Variants in FER observed in about 807,000 individuals in gnomAD.
The protein encoded by FER is FER tyrosine kinase.
A neutral mutation model predicts 111.0 loss-of-function variants in FER; 63 were observed. The ratio of observed to expected loss-of-function variants is 0.57; its 90% CI spans 0.46 to 0.70. FER has a LOEUF of 0.70. Ranked by LOEUF, FER falls within the 30% of genes least tolerant of loss-of-function variation. FER has a pLI of 0.00. For missense variants in FER, 914 were observed against 954.0 expected, an observed-to-expected ratio of 0.96 and a Z score of 0.55; for synonymous variants, 327 against 313.9, an observed-to-expected ratio of 1.04 and a Z score of -0.44.
chr5:108,929,673 T>G (rs1754289837), intron 10 of FER, among the ~76,000 whole-genome samples: 1 of 152,156 alleles, frequency 6.6e-6, no homozygotes, highest in Admixed American at 6.5e-5. Flanking sequence ...GTGATAGGTT[T>G]TCTGTGAATG....
chr5:108,794,759 T>TG (rs1440526760), intron 2 of FER, among the ~76,000 whole-genome samples: 6 of 152,126 alleles, frequency 3.9e-5, no homozygotes, highest in Non-Finnish European at 5.9e-5. Flanking sequence ...CTGCCACACA[T>TG]GTGGGATCTC....
intron 13 of FER, among the ~76,000 whole-genome samples, chr5:109,011,558 CTT>C (rs1197231898): frequency 6.6e-6 from 1 of 152,166 alleles, no homozygotes; most frequent in Non-Finnish European, 1.5e-5. Flanking sequence ...GAGCTAGCCT[CTT>C]TGAGTTTTCC....
chr5:108,770,519 G>T (rs1284821541), intron 2 of FER, among the ~76,000 whole-genome samples: 2 of 152,018 alleles, frequency 1.3e-5, no homozygotes, highest in African/African-American at 4.8e-5. Flanking sequence ...GTATTGCCCA[G>T]GCTGGAGTGC....
chr5:109,050,259 C>CGGGGAAAAACATTTTA (rs2149922282), intron 16 of FER, among the ~76,000 whole-genome samples: 1 of 151,644 alleles, frequency 6.6e-6, no homozygotes, highest in Admixed American at 6.6e-5. Flanking sequence ...ATAGGATACA[C>CGGGGAAAAACATTTTA]GGGGAAAAAC....
At chr5:108,915,353 T>G (rs1311640945) in intron 10 of FER, among the ~76,000 whole-genome samples, 2 of 151,944 alleles carry the variant, frequency 1.3e-5, no homozygotes, top group African/African-American at 4.8e-5. Flanking sequence ...TCACCTGTAA[T>G]CCCAGCTACT....
intron 10 of FER, among the ~76,000 whole-genome samples, chr5:108,934,009 G>T (rs974008456): frequency 6.6e-6 from 1 of 152,054 alleles, no homozygotes; most frequent in African/African-American, 2.4e-5. Context: ...TGAGACGATG[G>T]CGTTTTCTAA....
At chr5:108,867,098 T>G (rs1192260362) in intron 5 of FER, among the ~76,000 whole-genome samples, 1 of 152,126 alleles carries the variant, frequency 6.6e-6, no homozygotes, top group Non-Finnish European at 1.5e-5. Context: ...CTATGTAACT[T>G]TGTTCTTTCC....
chr5:109,009,720 A>G (rs1358128030), intron 13 of FER, among the ~76,000 whole-genome samples: 2 of 152,162 alleles, frequency 1.3e-5, no homozygotes, highest in South Asian at 2.1e-4. Context: ...TATGTTTCTC[A>G]TGATTCTTTG....
At chr5:108,898,189 T>A (rs1361891221) in intron 10 of FER, among the ~76,000 whole-genome samples, 1 of 152,150 alleles carries the variant, frequency 6.6e-6, no homozygotes, top group Non-Finnish European at 1.5e-5. Context: ...ATTTATTGAT[T>A]TTTTTCTTCT....
At chr5:109,020,457 T>C (rs1223951967) in intron 13 of FER, among the ~76,000 whole-genome samples, 3 of 151,952 alleles carry the variant, frequency 2.0e-5, no homozygotes, top group African/African-American at 7.2e-5. Context: ...TTTTCATTCT[T>C]TGTTATTTAA....
chr5:108,753,275 T>C (rs1402220661), intron 1 of FER, among the ~76,000 whole-genome samples: 5 of 152,106 alleles, frequency 3.3e-5, no homozygotes, highest in Non-Finnish European at 7.4e-5. Context: ...TATAATTAAA[T>C]TTACTTAAAT....
intron 3 of FER, among the ~76,000 whole-genome samples, chr5:108,807,763 C>G (rs1224295816): frequency 6.6e-6 from 1 of 152,120 alleles, no homozygotes. Flanking sequence ...GTGCTATATA[C>G]TTTTCTCTGA....
chr5:108,971,163 T>A (rs1760602021), intron 13 of FER, among the ~76,000 whole-genome samples: 1 of 150,580 alleles, frequency 6.6e-6, no homozygotes, highest in Admixed American at 6.7e-5. Context: ...CAATTCCTAG[T>A]ATAATAATGT....
intron 17 of FER, among the ~76,000 whole-genome samples, chr5:109,138,624 T>C (rs1399998989): frequency 6.6e-6 from 1 of 152,216 alleles, no homozygotes; most frequent in Non-Finnish European, 1.5e-5. Context: ...AGAAATGTTA[T>C]TGCCTCAAAA....
At chr5:109,036,230 G>A (rs1478072509) in intron 13 of FER, among the ~76,000 whole-genome samples, 1 of 151,936 alleles carries the variant, frequency 6.6e-6, no homozygotes, top group Non-Finnish European at 1.5e-5. Flanking sequence ...TTACCCACTT[G>A]ATCATGACGT....
At chr5:109,100,257 G>A (rs922795152) in intron 16 of FER, 139 bp from the exon 17 acceptor site, 92 of 906,556 alleles carry the variant, frequency 1.0e-4, no homozygotes, top group South Asian at 2.3e-4. Context: ...TTATCCTCAC[G>A]TCAAACAAAT....
chr5:108,767,101 C>T (rs1332992068), intron 1 of FER, among the ~76,000 whole-genome samples: 6 of 152,026 alleles, frequency 3.9e-5, no homozygotes, highest in African/African-American at 7.3e-5. Flanking sequence ...GTCAGGAATT[C>T]GAGACCAGCC....
chr5:109,123,067 A>G (rs1364399780), intron 17 of FER, among the ~76,000 whole-genome samples: 1 of 151,394 alleles, frequency 6.6e-6, no homozygotes, highest in Non-Finnish European at 1.5e-5. Context: ...ATTTATATTC[A>G]ATGTTATTGT....
intron 9 of FER, among the ~76,000 whole-genome samples, chr5:108,892,921 G>C (rs546085769): frequency 4.6e-5 from 7 of 152,284 alleles, no homozygotes; most frequent in African/African-American, 1.4e-4. Flanking sequence ...TTATTAAATA[G>C]GGAATCCTTT....
Sources: gnomAD v4.1 joint callset for allele counts (sites outside exome capture counted in the v4.1 genomes callset) on GRCh38, gnomAD v4.1.1 for gene constraint, MANE v1.5 for transcripts, NCBI Gene and HGNC (gene_info 2026-07-23, HGNC 2026-07-21) for gene names.